SETBP1: variants seen among roughly 807,000 people sequenced by gnomAD.
The protein encoded by SETBP1 is SET binding protein 1, also known as SET-binding protein.
In SETBP1, 9 loss-of-function variants were observed where a neutral mutation model predicts 101.0. The ratio of observed to expected loss-of-function variants is 0.09; its 90% CI spans 0.05 to 0.16. The LOEUF (loss-of-function observed/expected upper bound fraction) is 0.16. Ranked by LOEUF, SETBP1 falls within the 10% of genes least tolerant of loss-of-function variation. The pLI is 1.00. For synonymous variants in SETBP1, 818 were observed against 788.5 expected, an observed-to-expected ratio of 1.04 and a Z score of -0.63; for missense variants, 1,858 against 2,033.8, an observed-to-expected ratio of 0.91 and a Z score of 1.66.
chr18:44,805,043 C>T (rs1186034208), intron 2 of SETBP1, among the ~76,000 whole-genome samples: 1 of 152,106 alleles, frequency 6.6e-6, no homozygotes, highest in Non-Finnish European at 1.5e-5. Context: ...CTGGAATAAG[C>T]ACTGTGTGTG....
intron 2 of SETBP1, among the ~76,000 whole-genome samples, chr18:44,820,581 A>G (rs2072090398): frequency 6.6e-6 from 1 of 152,192 alleles, no homozygotes; most frequent in African/African-American, 2.4e-5. Context: ...ACAGCTTCAG[A>G]GACCCTCCAT....
At chr18:44,768,250 C>T (rs1215400519) in intron 2 of SETBP1, among the ~76,000 whole-genome samples, 1 of 152,212 alleles carries the variant, frequency 6.6e-6, no homozygotes, top group Non-Finnish European at 1.5e-5. Context: ...TCTGACCCCA[C>T]TCTAACCATA....
chr18:44,705,910 C>G (rs974772441), intron 2 of SETBP1, among the ~76,000 whole-genome samples: 14 of 152,150 alleles, frequency 9.2e-5, no homozygotes, highest in Non-Finnish European at 1.2e-4. Flanking sequence ...CTCCCTGGCT[C>G]AAGGATGCAC....
chr18:44,770,231 T>C (rs185115931), intron 2 of SETBP1, among the ~76,000 whole-genome samples: 2 of 152,338 alleles, frequency 1.3e-5, no homozygotes, highest in East Asian at 3.9e-4. Flanking sequence ...AAGGACCCTA[T>C]GGCTAGCATG....
chr18:45,005,571 G>A (rs548616075), intron 4 of SETBP1, among the ~76,000 whole-genome samples: 3 of 152,102 alleles, frequency 2.0e-5, no homozygotes, highest in South Asian at 4.2e-4. Flanking sequence ...TCACCAAATC[G>A]GGCAATAAGC....
chr18:44,774,042 A>G (rs1033262368), intron 2 of SETBP1, among the ~76,000 whole-genome samples: 4 of 152,192 alleles, frequency 2.6e-5, no homozygotes, highest in East Asian at 1.9e-4. Flanking sequence ...AGTTTGAGCC[A>G]GTGGTAGATT....
intron 3 of SETBP1, chr18:44,877,260 C>T (rs1010271564): frequency 1.8e-5 from 12 of 649,220 alleles, no homozygotes; most frequent in South Asian, 1.4e-4. Context: ...TGTTTTCCTA[C>T]GGATTTGTCT....
intron 2 of SETBP1, among the ~76,000 whole-genome samples, chr18:44,868,513 G>A (rs2069178531): frequency 6.6e-6 from 1 of 152,066 alleles, no homozygotes; most frequent in Non-Finnish European, 1.5e-5. Context: ...TGACCAACAT[G>A]GAGAGACCTC....
chr18:44,955,022 C>T (rs1326062291), intron 4 of SETBP1, among the ~76,000 whole-genome samples: 3 of 152,220 alleles, frequency 2.0e-5, no homozygotes, highest in East Asian at 1.9e-4. Context: ...AGAACCTACA[C>T]GCAAAAATCC....
intron 3 of SETBP1, among the ~76,000 whole-genome samples, chr18:44,898,390 T>C (rs557494808): frequency 6.6e-6 from 1 of 152,242 alleles, no homozygotes; most frequent in African/African-American, 2.4e-5. Context: ...GATAGAGAGA[T>C]ATAGATGGAT....
chr18:45,008,484 G>A (rs545956730), intron 4 of SETBP1, among the ~76,000 whole-genome samples: 264 of 152,316 alleles, frequency 1.7e-3, no homozygotes, highest in African/African-American at 6.1e-3. Flanking sequence ...TAATGATGCT[G>A]AAGATTCCAT....
At chr18:45,031,894 T>C (rs2145467313) in intron 4 of SETBP1, among the ~76,000 whole-genome samples, 1 of 152,316 alleles carries the variant, frequency 6.6e-6, no homozygotes, top group East Asian at 1.9e-4. Context: ...GATGTGGTTT[T>C]AATTTTTCCC....
Position 44,951,250 on chromosome 18 carries a change from C to A in SETBP1, c.1910C>A (p.Pro637Gln), listed in dbSNP as rs1011541536. ...TTAGCGAAGTTGGCCCAGCTAGTGCCGGGAGAGGACAAACCCATGAGCGAG... is the reference window on the plus strand; with the variant it reads ...TTAGCGAAGTTGGCCCAGCTAGTGCAGGGAGAGGACAAACCCATGAGCGAG... ...RNLAKLAQLV[P>Q]GEDKPMSEMK... Residue 637 changes from proline to glutamine, a missense_variant, in exon 4 of 6, where the codon CCG becomes CAG. Physicochemically the swap from Pro to Gln is moderately conservative, Grantham distance 76. Around this residue, in one of 12 missense-constraint regions of SETBP1, gnomAD observed 111 missense variants for 119.3 expected, o/e 0.93. Coordinates refer to ENST00000649279, the MANE Select transcript of SETBP1 (RefSeq NM_015559.3). This position sits in a 1 kb window ranked among gnomAD's most constrained non-coding sequence, Gnocchi z 7.8. The A allele has an allele frequency of 1.2e-6, 2 of 1,613,740 alleles. No homozygotes were observed. Among genetic ancestry groups the A allele is most frequent in the Admixed American group, 1.7e-5 (1 of 59,986 alleles).
rs1045376740 is a variant in SETBP1 at position 44,681,789 on chromosome 18, G to T, written c.-173+768G>T. On this transcript the variant is annotated intron_variant, in intron 1 of 5. Coordinates refer to ENST00000649279, the MANE Select transcript of SETBP1 (RefSeq NM_015559.3). The stretch of plus-strand genomic sequence containing the variant: ...AAGGACTGTTGTGGGAAGGATTTCC[G>T]ATTCGTTTCCGTTTCAAATAAACTG... 2.0e-5 allele frequency among the ~76,000 whole-genome samples: 3 copies of T among 152,100 alleles called. No individual in the cohort carries two copies. The South Asian group carries it at 6.2e-4, about 32-fold the overall frequency.
chr18:44,927,850 G>A (rs1173352275), intron 3 of SETBP1, among the ~76,000 whole-genome samples: 1 of 152,160 alleles, frequency 6.6e-6, no homozygotes, highest in Non-Finnish European at 1.5e-5. Context: ...TATGATGGGT[G>A]TCAATACTAG....
chr18:45,003,240 G>T (rs974469865), intron 4 of SETBP1, among the ~76,000 whole-genome samples: 1 of 152,170 alleles, frequency 6.6e-6, no homozygotes, highest in Non-Finnish European at 1.5e-5. Flanking sequence ...TAGGGAATCT[G>T]TGTATTTTTT....
chr18:45,032,481 T>C (rs2145470178), intron 4 of SETBP1, among the ~76,000 whole-genome samples: 1 of 152,342 alleles, frequency 6.6e-6, no homozygotes, highest in Admixed American at 6.5e-5. Context: ...AGGTGAAATT[T>C]ATCTTAGAAT....
At chr18:44,817,438 C>A (rs529558660) in intron 2 of SETBP1, among the ~76,000 whole-genome samples, 1 of 152,272 alleles carries the variant, frequency 6.6e-6, no homozygotes, top group African/African-American at 2.4e-5. Context: ...GTAATCCCAG[C>A]ACTTTGGGAG....
chr18:45,042,240 C>T (rs1312536111), intron 5 of SETBP1, among the ~76,000 whole-genome samples: 4 of 151,420 alleles, frequency 2.6e-5, no homozygotes, highest in East Asian at 4.0e-4. Context: ...ACCTCCACCT[C>T]CCAGATTCAA....
Sources: gnomAD v4.1 joint callset for allele counts (sites outside exome capture counted in the v4.1 genomes callset) on GRCh38, gnomAD v4.1.1 for gene constraint, gnomAD v4.1.1 regional missense constraint, Gnocchi (gnomAD v3.1) non-coding constraint, MANE v1.5 for transcripts, NCBI Gene and HGNC (gene_info 2026-07-23, HGNC 2026-07-21) for gene names.